CHRM2: variants seen among roughly 807,000 people sequenced by gnomAD.
CHRM2 encodes muscarinic acetylcholine receptor M2.
CHRM2 carries 8 observed loss-of-function variants against 25.0 expected under a neutral mutation model. The observed-to-expected ratio is 0.32, with a 90% confidence interval of 0.19 to 0.58. The LOEUF is 0.58. CHRM2 is among the 20% of genes least tolerant of loss of function. The probability of loss-of-function intolerance (pLI) is 0.88; values close to 1 mark genes in which losing one functional copy is unlikely to be tolerated. For synonymous variants in CHRM2, 202 were observed against 205.7 expected, an observed-to-expected ratio of 0.98 and a Z score of 0.15; for missense variants, 440 against 567.1, an observed-to-expected ratio of 0.78 and a Z score of 2.28.
rs190429237 is a variant in CHRM2 at position 136,928,922 on chromosome 7, G to A, written c.-125+59504G>A. 2.6e-3 allele frequency among the ~76,000 whole-genome samples: 396 copies of A among 152,262 alleles called. 1 individual carries two copies. Among genetic ancestry groups the A allele is most frequent in the Non-Finnish European group, 2.9e-3 (198 of 68,018 alleles). ...AGCAGCTATCTCACAGGGTTGCTGTGAGGATGAAATAAGAGGCTCTATATG... is the reference window on the plus strand; with the variant it reads ...AGCAGCTATCTCACAGGGTTGCTGTAAGGATGAAATAAGAGGCTCTATATG... On this transcript the variant is annotated intron_variant, in intron 2 of 3. Transcript: ENST00000680005.
chr7:136,957,676 A>C (rs1034622860), intron 2 of CHRM2, among the ~76,000 whole-genome samples: 5 of 152,352 alleles, frequency 3.3e-5, no homozygotes, highest in East Asian at 1.9e-4. Flanking sequence ...TTGTATAAAC[A>C]TATCTATTGT....
chr7:136,916,093 C>T (rs930827689), intron 2 of CHRM2, among the ~76,000 whole-genome samples: 1 of 151,840 alleles, frequency 6.6e-6, no homozygotes, highest in Non-Finnish European at 1.5e-5. Context: ...TAATTCCCCA[C>T]ATTTCAGCTG....
chr7:136,988,585 G>T (rs572022059), intron 2 of CHRM2, among the ~76,000 whole-genome samples: 1 of 152,160 alleles, frequency 6.6e-6, no homozygotes, highest in Non-Finnish European at 1.5e-5. Flanking sequence ...GGGATCCAAT[G>T]GTACCGTCAG....
At chr7:136,925,639 C>T (rs1220880591) in intron 2 of CHRM2, among the ~76,000 whole-genome samples, 2 of 152,168 alleles carry the variant, frequency 1.3e-5, no homozygotes, top group Non-Finnish European at 2.9e-5. Context: ...GAGAGGATCC[C>T]ACCCCATTGA....
At chr7:136,892,574 G>A (rs1299557464) in intron 2 of CHRM2, among the ~76,000 whole-genome samples, 1 of 151,988 alleles carries the variant, frequency 6.6e-6, no homozygotes, top group African/African-American at 2.4e-5. Context: ...TTTGATAAAG[G>A]CCTAAGTACA....
intron 2 of CHRM2, among the ~76,000 whole-genome samples, chr7:136,883,220 A>T (rs1796334033): frequency 6.6e-6 from 1 of 152,080 alleles, no homozygotes; most frequent in Non-Finnish European, 1.5e-5. Flanking sequence ...ACCACCTTCT[A>T]GGGAGCTTAG....
At chr7:136,995,619 C>T (rs1803544127) in intron 3 of CHRM2, among the ~76,000 whole-genome samples, 1 of 151,690 alleles carries the variant, frequency 6.6e-6, no homozygotes, top group African/African-American at 2.4e-5. Context: ...AAAACATTAC[C>T]CAGGTGTGGT....
At chr7:136,916,988 A>G (rs1563064555) in intron 2 of CHRM2, among the ~76,000 whole-genome samples, 1 of 151,630 alleles carries the variant, frequency 6.6e-6, no homozygotes, top group Non-Finnish European at 1.5e-5. Context: ...CTTCTTCCCT[A>G]TTTTTCATTG....
At chr7:136,873,595 G>A (rs563741175) in intron 2 of CHRM2, among the ~76,000 whole-genome samples, 3 of 152,192 alleles carry the variant, frequency 2.0e-5, no homozygotes, top group South Asian at 2.1e-4. Context: ...GTAATGACCC[G>A]AGATCATACA....
chr7:136,998,284 T>G (rs1803740932), intron 3 of CHRM2, among the ~76,000 whole-genome samples: 1 of 151,900 alleles, frequency 6.6e-6, no homozygotes, highest in South Asian at 2.1e-4. Context: ...ATATTGAAGG[T>G]GGGAGGATTG....
At chr7:136,932,378 G>T (rs552311582) in intron 2 of CHRM2, among the ~76,000 whole-genome samples, 27 of 152,308 alleles carry the variant, frequency 1.8e-4, no homozygotes, top group African/African-American at 6.0e-4. Context: ...ATGCTTAAAA[G>T]AAGACTTTGT....
At chr7:136,889,437 C>T (rs559751027) in intron 2 of CHRM2, among the ~76,000 whole-genome samples, 3 of 152,302 alleles carry the variant, frequency 2.0e-5, no homozygotes, top group Admixed American at 1.3e-4. Flanking sequence ...GGCATTATTA[C>T]TGATATCCAA....
chr7:136,875,525 C>T (rs1010215615), intron 2 of CHRM2, among the ~76,000 whole-genome samples: 3 of 152,132 alleles, frequency 2.0e-5, no homozygotes, highest in East Asian at 1.9e-4. Flanking sequence ...ACCTTTCGCA[C>T]CTCTCACATG....
chr7:136,958,619 G>T, intron 2 of CHRM2, among the ~76,000 whole-genome samples: 1 of 151,662 alleles, frequency 6.6e-6, no homozygotes, highest in East Asian at 1.9e-4. Context: ...ACCATGCCCA[G>T]GTAATTTTTG....
intron 2 of CHRM2, among the ~76,000 whole-genome samples, chr7:136,920,080 G>C (rs1425672579): frequency 6.6e-6 from 1 of 151,576 alleles, no homozygotes; most frequent in Admixed American, 6.6e-5. Context: ...ATCTTATATG[G>C]TGACATTTCA....
rs1283607303 is a variant in CHRM2 at position 137,019,697 on chromosome 7, A to C, written c.*3431A>C. 2 of 151,894 alleles carry C rather than the reference A, an allele frequency of 1.3e-5. No homozygotes were observed. The highest frequency in any genetic ancestry group is 2.4e-5 in the African/African-American group (1 of 41,428). The allele number at this position is 151,894 out of a possible 1,614,324, so 9.4% of individuals were successfully genotyped here. The stretch of plus-strand genomic sequence containing the variant: ...GAAATGATTTTCCTTTTACCAGTTC[A>C]TCATTAATTTAACGCCAGCTCCCAA... On this transcript the variant is annotated 3_prime_UTR_variant, in exon 4 of 4. Coordinates refer to ENST00000680005, the MANE Select transcript of CHRM2 (RefSeq NM_001006630.2).
At chr7:137,005,774 C>T (rs953128033) in intron 3 of CHRM2, among the ~76,000 whole-genome samples, 1 of 152,078 alleles carries the variant, frequency 6.6e-6, no homozygotes. Context: ...AGCCTCAATT[C>T]TCTGCAAATT....
At chr7:136,936,599 T>C (rs1252581308) in intron 2 of CHRM2, among the ~76,000 whole-genome samples, 1 of 139,856 alleles carries the variant, frequency 7.2e-6, no homozygotes, top group Non-Finnish European at 1.7e-5. Flanking sequence ...TGTGTGCATG[T>C]ACATGTCTCT....
rs370389230 is a variant in CHRM2, at chr7:137,014,860, C to G, written c.-6C>G. On this transcript the variant is annotated 5_prime_UTR_variant, in exon 4 of 4. Transcript: ENST00000680005. Reference sequence around the variant, plus strand: ...TGCTACTTGGCTACTGATTAGAGAACGCAAAATGAATAACTCAACAAACTC... The same window carrying G: ...TGCTACTTGGCTACTGATTAGAGAAGGCAAAATGAATAACTCAACAAACTC... 1 of 1,612,546 alleles carries G rather than the reference C, an allele frequency of 6.2e-7. No individual in the cohort carries two copies.
Sources: gnomAD v4.1 joint callset for allele counts (sites outside exome capture counted in the v4.1 genomes callset) on GRCh38, gnomAD v4.1.1 for gene constraint, MANE v1.5 for transcripts, NCBI Gene and HGNC (gene_info 2026-07-23, HGNC 2026-07-21) for gene names.